The following CACNG8 variants were observed in gnomAD, a reference collection of about 807,000 sequenced individuals.
The protein encoded by CACNG8 is voltage-dependent calcium channel gamma-8 subunit.
A neutral mutation model predicts 26.9 loss-of-function variants in CACNG8; 5 were observed. The ratio of observed to expected loss-of-function variants is 0.19; its 90% CI spans 0.10 to 0.39. The LOEUF (loss-of-function observed/expected upper bound fraction) is 0.39, where lower values mean the gene tolerates loss of function less well. Ranked by LOEUF, CACNG8 falls within the 10% of genes least tolerant of loss-of-function variation. The pLI, the probability that CACNG8 is intolerant of heterozygous loss-of-function variation, is 1.00. For missense variants in CACNG8, 473 were observed against 609.4 expected (o/e 0.78, Z 2.36); for synonymous variants, 321 against 296.7 (o/e 1.08, Z -0.84).
chr19:53,973,520 C>G (rs1192752054), intron 1 of CACNG8, among the ~76,000 whole-genome samples: 1 of 150,916 alleles, frequency 6.6e-6, no homozygotes. Flanking sequence ...GAGACTCTAT[C>G]TCTTAAAAAA....
rs1389407923 is a variant in CACNG8, at chr19:53,983,963, G to A, written c.*1114G>A. The A allele has an allele frequency of 6.6e-6, 1 of 152,422 alleles. No individual in the cohort carries two copies. The highest frequency in any genetic ancestry group is 1.5e-5 in the Non-Finnish European group (1 of 68,142). The allele number at this position is 152,422 out of a possible 1,614,324, so 9.4% of individuals were successfully genotyped here. On this transcript the variant is annotated 3_prime_UTR_variant, in exon 4 of 4. Coordinates refer to ENST00000270458, the MANE Select transcript of CACNG8 (RefSeq NM_031895.6). Reference sequence around the variant, plus strand: ...GGTGAGGGCCGTGGAACGGGTTTAAGCAGGACGCTAACGTGAATGGTGTAC... The same window carrying A: ...GGTGAGGGCCGTGGAACGGGTTTAAACAGGACGCTAACGTGAATGGTGTAC...
At chr19:53,968,857 G>A (rs760345139) in intron 1 of CACNG8, among the ~76,000 whole-genome samples, 13 of 151,210 alleles carry the variant, frequency 8.6e-5, no homozygotes, top group Non-Finnish European at 1.8e-4. Context: ...GGGAAAAACA[G>A]GTCCTTGGAT....
intron 1 of CACNG8, among the ~76,000 whole-genome samples, chr19:53,966,485 T>C (rs1276805817): frequency 6.6e-6 from 1 of 152,100 alleles, no homozygotes; most frequent in East Asian, 1.9e-4. Flanking sequence ...AGACCATAGC[T>C]CACTGCAGCC....
intron 1 of CACNG8, among the ~76,000 whole-genome samples, chr19:53,972,029 G>T (rs1027854026): frequency 6.6e-6 from 1 of 152,134 alleles, no homozygotes; most frequent in Non-Finnish European, 1.5e-5. Flanking sequence ...CTGTCCCCCA[G>T]GCTGGAGTGC....
chr19:53,976,798 G>A (rs900767115), intron 1 of CACNG8, among the ~76,000 whole-genome samples: 3 of 151,812 alleles, frequency 2.0e-5, no homozygotes, highest in Admixed American at 6.6e-5. Flanking sequence ...TCAGCCTCCC[G>A]AGTAGCTGGG....
intron 1 of CACNG8, among the ~76,000 whole-genome samples, chr19:53,969,047 A>T (rs1020265938): frequency 1.3e-5 from 2 of 152,106 alleles, no homozygotes; most frequent in Non-Finnish European, 2.9e-5. Context: ...TCTGTCACCC[A>T]GGCTGGAGTG....
chr19:53,987,895 G>A lies in CACNG8; in HGVS notation c.*5046G>A, dbSNP rs1568805758. The A allele has an allele frequency of 6.6e-6, 1 of 152,126 alleles. No individual in the cohort carries two copies. The allele number at this position is 152,126 out of a possible 1,614,324, so 9.4% of individuals were successfully genotyped here. On this transcript the variant is annotated 3_prime_UTR_variant, in exon 4 of 4. Transcript: ENST00000270458. The stretch of plus-strand genomic sequence containing the variant: ...ATAAAGCCACAGGATTGGGTGACGT[G>A]GCCTAGCAGGGGGGTGGGGACAGAG...
At chr19:53,966,538 A>T (rs2069273316) in intron 1 of CACNG8, among the ~76,000 whole-genome samples, 1 of 151,740 alleles carries the variant, frequency 6.6e-6, no homozygotes, top group Non-Finnish European at 1.5e-5. Context: ...TCAGCCTCCC[A>T]AATAGCTAGA....
At chr19:53,970,558 G>A (rs942336975) in intron 1 of CACNG8, among the ~76,000 whole-genome samples, 1 of 150,594 alleles carries the variant, frequency 6.6e-6, no homozygotes, top group Non-Finnish European at 1.5e-5. Flanking sequence ...CCAGGAGGCG[G>A]AGGTTGCTGT....
In CACNG8 at chr19:53,982,831, G is replaced by A. The variant is rs1600039137; in HGVS notation, c.1260G>A (p.Arg420=). The A allele has an allele frequency of 2.2e-6, 3 of 1,374,646 alleles. No homozygotes were observed. In the East Asian group the frequency reaches 1.0e-4, roughly 48 times the overall value. The allele number at this position is 1,374,646 out of a possible 1,614,324, so 85.2% of individuals were successfully genotyped here. A position where few individuals can be genotyped will look rare whatever the true frequency, so the allele number is the denominator to read the frequency against. Residue 420 remains arginine (R), a synonymous_variant, in exon 4 of 4, where the codon AGG becomes AGA. Transcript: ENST00000270458. This position sits in a 1 kb window ranked among gnomAD's most constrained non-coding sequence, Gnocchi z 8.4. ...CCTCCAACACCAACACGCTCAACAGGAAAACCACGCCTGTGTAGGGGCGCG... is the reference window on the plus strand; with the variant it reads ...CCTCCAACACCAACACGCTCAACAGAAAAACCACGCCTGTGTAGGGGCGCG...
In CACNG8 at chr19:53,982,272, C is replaced by T; in HGVS notation, c.701C>T (p.Ala234Val). The stretch of plus-strand genomic sequence containing the variant: ...ATCTACATCGAGCGCAGCCGCGAGG[C>T]GCACTGCCAGTCTCGCTCGGACCTG... Residue 234 changes from alanine to valine, a missense_variant, in exon 4 of 4, where the codon GCG becomes GTG. Ala to Val is a moderately conservative substitution (Grantham distance 64). Transcript: ENST00000270458. The surrounding 1 kb of genome is among the most constrained non-coding windows in gnomAD (Gnocchi z 8.4). 6.2e-7 allele frequency: 1 copy of T among 1,612,090 alleles called. No individual in the cohort carries two copies. The highest frequency in any genetic ancestry group is 1.3e-5 in the African/African-American group (1 of 75,028).
rs542068104 is a variant in CACNG8, at chr19:53,988,867, C to A, written c.*6018C>A. On this transcript the variant is annotated 3_prime_UTR_variant, in exon 4 of 4. Transcript: ENST00000270458. ...GTCTCTTGCTGCTGTCAGCGCCGGG[C>A]ACACTCTGGGATTCCCCCTGTAGAC... is the stretch of plus-strand genomic sequence containing the variant. 6.6e-6 allele frequency: 1 copy of A among 152,394 alleles called. No homozygotes were observed. Among genetic ancestry groups the A allele is most frequent in the East Asian group, 1.9e-4 (1 of 5,176 alleles). The allele number at this position is 152,394 out of a possible 1,614,324, so 9.4% of individuals were successfully genotyped here.
intron 1 of CACNG8, among the ~76,000 whole-genome samples, chr19:53,965,728 T>G (rs2069268397): frequency 6.6e-6 from 1 of 150,760 alleles, no homozygotes; most frequent in Non-Finnish European, 1.5e-5. Context: ...GGAGGTAAAG[T>G]CAACCTTTAG....
chr19:53,979,114 G>A (rs2069348423), intron 2 of CACNG8, among the ~76,000 whole-genome samples: 1 of 149,044 alleles, frequency 6.7e-6, no homozygotes, highest in East Asian at 2.0e-4. Flanking sequence ...AAAAGTTGTG[G>A]GTGGGGGTGG....
Position 53,963,081 on chromosome 19 carries a change from G to T in CACNG8, c.-62G>T. The T allele has an allele frequency of 8.7e-7, 1 of 1,146,044 alleles. No homozygotes were observed. Among genetic ancestry groups the T allele is most frequent in the East Asian group, 3.3e-5 (1 of 30,368 alleles). 71.0% of individuals were successfully genotyped at this position (1,146,044 alleles called of 1,614,324 possible). A position where few individuals can be genotyped will look rare whatever the true frequency, so the allele number is the denominator to read the frequency against. ...GCTGTGAACCCCCCCCCAGCCGCCG[G>T]CACGGCCCCGCCCCCGCTGCCCCGG... On this transcript the variant is annotated 5_prime_UTR_variant, in exon 1 of 4. Transcript: ENST00000270458.
intron 1 of CACNG8, among the ~76,000 whole-genome samples, chr19:53,975,228 G>A (rs111710621): frequency 0.016 from 2,444 of 152,156 alleles, 71 homozygotes; most frequent in African/African-American, 0.054. Flanking sequence ...GATCACAGGC[G>A]TGAGCTCCTG....
intron 1 of CACNG8, among the ~76,000 whole-genome samples, chr19:53,970,941 AAAAAAGAAAAG>A (rs1466209345): frequency 7.3e-5 from 11 of 150,762 alleles, no homozygotes; most frequent in Admixed American, 2.0e-4. Flanking sequence ...CAAAAAAAAA[AAAAAAGAAAAG>A]AAAAGAAAAG....
At position 53,989,927 on chromosome 19, in the gene CACNG8, A is replaced by G. The variant is rs1307105293; in HGVS notation, c.*7078A>G. The stretch of plus-strand genomic sequence containing the variant: ...TGCGGGGAAACACGTGCTCCATCGG[A>G]AAAGTCCAGAGCAGGGGGTGGGCAG... On this transcript the variant is annotated 3_prime_UTR_variant, in exon 4 of 4. Coordinates refer to ENST00000270458, the MANE Select transcript of CACNG8 (RefSeq NM_031895.6). 6.6e-6 allele frequency: 1 copy of G among 152,498 alleles called. No homozygotes were observed. Among genetic ancestry groups the G allele is most frequent in the Non-Finnish European group, 1.5e-5 (1 of 68,216 alleles). The allele number at this position is 152,498 out of a possible 1,614,324, so 9.4% of individuals were successfully genotyped here.
intron 1 of CACNG8, 122 bp from the exon 2 acceptor site, chr19:53,978,024 G>A (rs1409079499): frequency 3.1e-6 from 2 of 642,080 alleles, no homozygotes; most frequent in African/African-American, 1.8e-5. Context: ...AGGACTTGCG[G>A]TCTCCCAAGC....
Sources: gnomAD v4.1 joint callset for allele counts (sites outside exome capture counted in the v4.1 genomes callset) on GRCh38, gnomAD v4.1.1 for gene constraint, Gnocchi (gnomAD v3.1) non-coding constraint, MANE v1.5 for transcripts, NCBI Gene and HGNC (gene_info 2026-07-23, HGNC 2026-07-21) for gene names.